Variants in PRRC2C observed in about 807,000 individuals in gnomAD.
PRRC2C encodes proline rich coiled-coil 2C.
In PRRC2C, 72 loss-of-function variants were observed where a neutral mutation model predicts 317.2. The observed-to-expected ratio is 0.23, with a 90% CI of 0.19 to 0.28. The LOEUF (loss-of-function observed/expected upper bound fraction) is 0.28. Ranked by LOEUF, PRRC2C falls within the 10% of genes least tolerant of loss-of-function variation. The pLI is 1.00. For missense variants in PRRC2C, 3,074 were observed against 3,459.7 expected (o/e 0.89, Z 2.80); for synonymous variants, 1,296 against 1,205.9 (o/e 1.07, Z -1.55).
chr1:171,549,288 T>C (rs1679736927), intron 17 of PRRC2C, among the ~76,000 whole-genome samples: 1 of 152,204 alleles, frequency 6.6e-6, no homozygotes, highest in African/African-American at 2.4e-5. Context: ...CCTCCCACTT[T>C]GGCCTCCCAT....
intron 14 of PRRC2C, 87 bp downstream of exon 14, chr1:171,536,365 T>A: frequency 7.0e-7 from 1 of 1,424,544 alleles, no homozygotes; most frequent in Non-Finnish European, 9.5e-7. Flanking sequence ...AGTTGTAATC[T>A]AGGAAAAACT....
rs1230403158 is a variant in PRRC2C at position 171,593,425 on chromosome 1, C to T, written c.*1578C>T. 2 of 151,844 alleles carry T rather than the reference C, an allele frequency of 1.3e-5. No homozygotes were observed. The highest frequency in any genetic ancestry group is 2.9e-5 in the Non-Finnish European group (2 of 67,994). 9.4% of individuals were successfully genotyped at this position (151,844 alleles called of 1,614,324 possible). On this transcript the variant is annotated 3_prime_UTR_variant, in exon 35 of 35. Transcript: ENST00000647382. ...TAAACTTAATTTTTTTCCATTTGTA[C>T]AGGGGTAACGCACTGTATTAAATAT...
At chr1:171,485,968 C>T (rs570077236) in intron 1 of PRRC2C, among the ~76,000 whole-genome samples, 1 of 152,232 alleles carries the variant, frequency 6.6e-6, no homozygotes, top group East Asian at 1.9e-4. Flanking sequence ...AGACCCGCCC[C>T]ATGTGGTCTG....
chr1:171,519,173 C>T (rs1673087645), intron 6 of PRRC2C, among the ~76,000 whole-genome samples: 1 of 152,150 alleles, frequency 6.6e-6, no homozygotes, highest in Non-Finnish European at 1.5e-5. Context: ...CATGAGTCAC[C>T]ATGCCCGCTC....
chr1:171,568,843 T>G (rs559720152), intron 23 of PRRC2C, among the ~76,000 whole-genome samples: 3 of 151,954 alleles, frequency 2.0e-5, no homozygotes, highest in Admixed American at 6.5e-5. Flanking sequence ...TAGATTGAGC[T>G]ATATTGTATT....
chr1:171,499,460 A>G (rs749143466), intron 1 of PRRC2C, among the ~76,000 whole-genome samples: 29 of 152,204 alleles, frequency 1.9e-4, no homozygotes, highest in Non-Finnish European at 3.7e-4. Context: ...TGAACAGCAG[A>G]TGAGATGGCC....
At position 171,557,720 on chromosome 1, in the gene PRRC2C, C is replaced by T. The variant is rs1399280552; in HGVS notation, c.5608C>T (p.Leu1870=). 6.4e-7 allele frequency: 1 copy of T among 1,551,558 alleles called. No homozygotes were observed. Among genetic ancestry groups the T allele is most frequent in the Admixed American group, 2.0e-5 (1 of 50,980 alleles). The change falls in exon 19 of 35, where the codon CTA becomes TTA. Residue 1870 remains leucine (L), a synonymous_variant. Coordinates refer to ENST00000647382, the MANE Select transcript of PRRC2C (RefSeq NM_001387844.1). ...CTCAATTCCCATTCTTGCTTCAGCC[C>T]TAGCATCAACTTCAGCTCCAACGCC... ...SASIPILASA[L]ASTSAPTPAP...
At chr1:171,497,862 T>G (rs867624465) in intron 1 of PRRC2C, among the ~76,000 whole-genome samples, 10 of 152,110 alleles carry the variant, frequency 6.6e-5, no homozygotes, top group African/African-American at 2.4e-4. Flanking sequence ...TCCCCCAGGC[T>G]GGAGTGCAGT....
At chr1:171,560,683 T>A (rs1558006256) in intron 19 of PRRC2C, among the ~76,000 whole-genome samples, 1 of 152,212 alleles carries the variant, frequency 6.6e-6, no homozygotes, top group Admixed American at 6.5e-5. Context: ...TTAAAAAGTA[T>A]ACATCTTTTT....
intron 34 of PRRC2C, 31 bp from the exon 35 acceptor site, chr1:171,591,556 T>G: frequency 6.2e-7 from 1 of 1,601,568 alleles, no homozygotes. Flanking sequence ...AATGCTGCAG[T>G]ATTTTCAGTT....
intron 1 of PRRC2C, among the ~76,000 whole-genome samples, chr1:171,497,737 G>C (rs983549511): frequency 6.6e-6 from 1 of 152,138 alleles, no homozygotes; most frequent in Non-Finnish European, 1.5e-5. Context: ...TCAAAGTGCT[G>C]GTATTACAGG....
intron 30 of PRRC2C, among the ~76,000 whole-genome samples, chr1:171,585,424 T>C (rs1340081037): frequency 7.9e-6 from 1 of 127,344 alleles, no homozygotes; most frequent in African/African-American, 3.0e-5. Context: ...GCTTATTCTT[T>C]AAAAGTGGTG....
chr1:171,531,077 C>T (rs1432857955), intron 11 of PRRC2C, among the ~76,000 whole-genome samples: 1 of 152,094 alleles, frequency 6.6e-6, no homozygotes, highest in East Asian at 1.9e-4. Context: ...CATAAAATAA[C>T]CTCAATGCCA....
intron 17 of PRRC2C, among the ~76,000 whole-genome samples, chr1:171,547,633 C>CTTTTTTTTTTTTTTTTTTTT (rs35480518): frequency 3.1e-5 from 4 of 129,840 alleles, no homozygotes; most frequent in Non-Finnish European, 4.7e-5. Flanking sequence ...AGTTTCCCTT[C>CTTTTTTTTTTTTTTTTTTTT]TTTTTTTTTT....
At chr1:171,525,084 T>G in intron 10 of PRRC2C, 119 bp downstream of exon 10, 1 of 855,020 alleles carries the variant, frequency 1.2e-6, no homozygotes, top group Non-Finnish European at 1.6e-6. Context: ...AAAAGGAAAC[T>G]GTGTATTTTT....
chr1:171,496,657 T>C lies in PRRC2C; in HGVS notation c.-58+10922T>C, dbSNP rs139692193. ...ACACATGCACTCTGTGCTTGGTTTT[T>C]AATGGCTGCTGTCTAAACCCTGTCA... On this transcript the variant is annotated intron_variant, in intron 1 of 34. Coordinates refer to ENST00000647382, the MANE Select transcript of PRRC2C (RefSeq NM_001387844.1). 2.5e-3 allele frequency among the ~76,000 whole-genome samples: 384 copies of C among 152,354 alleles called. 2 individuals are homozygous for C. The highest frequency in any genetic ancestry group is 8.3e-3 in the African/African-American group (343 of 41,564).
chr1:171,517,868 C>G (rs1232101317), intron 6 of PRRC2C, 54 bp downstream of exon 6: 2 of 1,488,958 alleles, frequency 1.3e-6, no homozygotes, highest in East Asian at 4.6e-5. Flanking sequence ...GATCTGGGGT[C>G]CAAGGAGCGA....
At chr1:171,565,452 GGTTT>G (rs151184575) in intron 20 of PRRC2C, among the ~76,000 whole-genome samples, 20,792 of 152,128 alleles carry the variant, frequency 0.14, 1,387 homozygotes, top group Non-Finnish European at 0.16. Flanking sequence ...TAGCTGGGTT[GGTTT>G]GTTTGTTTTT....
intron 19 of PRRC2C, among the ~76,000 whole-genome samples, chr1:171,560,286 CAAAG>C (rs1455944881): frequency 2.0e-5 from 3 of 152,146 alleles, no homozygotes; most frequent in African/African-American, 7.2e-5. Context: ...AACTCTGACG[CAAAG>C]AAAGTTGTTT....
Sources: gnomAD v4.1 joint callset for allele counts (sites outside exome capture counted in the v4.1 genomes callset) on GRCh38, gnomAD v4.1.1 for gene constraint, MANE v1.5 for transcripts, NCBI Gene and HGNC (gene_info 2026-07-23, HGNC 2026-07-21) for gene names.